PRDM10: variants seen among roughly 807,000 people sequenced by gnomAD.
PRDM10 encodes PR/SET domain 10.
In PRDM10, 65 loss-of-function variants were observed where a neutral mutation model predicts 133.1. The ratio of observed to expected loss-of-function variants is 0.49; its 90% confidence interval spans 0.40 to 0.60. The LOEUF (loss-of-function observed/expected upper bound fraction) is 0.60, where lower values mean the gene tolerates loss of function less well. Ranked by LOEUF, PRDM10 falls within the 20% of genes least tolerant of loss-of-function variation. PRDM10 has a pLI of 0.00. For missense variants in PRDM10, 1,137 were observed against 1,507.1 expected (o/e 0.75, Z 4.07); for synonymous variants, 582 against 580.4 (o/e 1.00, Z -0.04).
intron 9 of PRDM10, 118 bp from the exon 10 acceptor site, chr11:129,932,349 C>T: frequency 7.8e-7 from 1 of 1,285,098 alleles, no homozygotes; most frequent in Non-Finnish European, 1.0e-6. Flanking sequence ...TATTACTTTC[C>T]CAGATTTTCT....
intron 6 of PRDM10, 87 bp from the exon 7 acceptor site, chr11:129,942,716 C>T (rs1951255360): frequency 5.0e-6 from 6 of 1,206,172 alleles, no homozygotes; most frequent in Non-Finnish European, 7.1e-6. Flanking sequence ...CAAAATATTG[C>T]TTCTAAAATT....
At position 129,932,045 on chromosome 11, in the gene PRDM10, A is replaced by AC; in HGVS notation, c.1287+56_1287+57insG. 1.9e-6 allele frequency: 3 copies of AC among 1,571,178 alleles called. No individual in the cohort carries two copies. In the East Asian group the frequency reaches 6.8e-5, roughly 36 times the overall value. The stretch of plus-strand genomic sequence containing the variant: ...TCTTTGTACTTAGGTCTCGTCAGGG[A>AC]TCTGGCGAGTCCTCCACACAAGCAC... On this transcript the variant is annotated intron_variant, in intron 10 of 20. Transcript: ENST00000360871.
chr11:129,911,901 C>T (rs3734075), intron 18 of PRDM10, among the ~76,000 whole-genome samples, 184 bp downstream of exon 18: 55,774 of 152,100 alleles, frequency 0.37, 14,549 homozygotes, highest in African/African-American at 0.72. Flanking sequence ...AAGCAGCTAA[C>T]AGCTTAATAT....
At chr11:129,917,284 CA>C in intron 14 of PRDM10, 47 bp from the exon 15 acceptor site, 1 of 1,396,456 alleles carries the variant, frequency 7.2e-7, no homozygotes. Context: ...CCCCATTAAC[CA>C]AACAGAAGCT....
At chr11:129,940,743 A>G (rs1211164052) in intron 7 of PRDM10, among the ~76,000 whole-genome samples, 1 of 152,148 alleles carries the variant, frequency 6.6e-6, no homozygotes, top group Non-Finnish European at 1.5e-5. Flanking sequence ...CCTCCAGATA[A>G]AGTCAATTCC....
chr11:129,959,311 A>C (rs1951753813), intron 2 of PRDM10, among the ~76,000 whole-genome samples: 1 of 152,242 alleles, frequency 6.6e-6, no homozygotes, highest in Non-Finnish European at 1.5e-5. Context: ...TATTGGAAAA[A>C]TTAGGCTCAT....
rs552582742 is a variant in PRDM10 at position 129,908,156 on chromosome 11, C to T, written c.3163+2320G>A. Among the ~76,000 whole-genome samples, 7 of 151,990 alleles carry T rather than the reference C, an allele frequency of 4.6e-5. No homozygotes were observed. The East Asian group carries it at 1.4e-3, about 30-fold the overall frequency. On this transcript the variant is annotated intron_variant, in intron 19 of 20. Transcript: ENST00000360871. ...TTTCTTCTTAGGTGTGATAATGTTG[C>T]ATGGAGTTGTGTTTTTAAAAAATAG... is the stretch of plus-strand genomic sequence containing the variant.
chr11:129,986,579 G>A (rs1473701083), intron 1 of PRDM10, among the ~76,000 whole-genome samples: 1 of 152,150 alleles, frequency 6.6e-6, no homozygotes, highest in Non-Finnish European at 1.5e-5. Flanking sequence ...AGTAGAAACG[G>A]GATTTTGCCA....
intron 1 of PRDM10, among the ~76,000 whole-genome samples, chr11:129,978,578 C>T (rs1320402778): frequency 6.6e-6 from 1 of 152,202 alleles, no homozygotes; most frequent in African/African-American, 2.4e-5. Context: ...ACAAGTCCAG[C>T]AGTGAAGCCC....
chr11:129,960,788 C>T, intron 2 of PRDM10, 108 bp downstream of exon 2: 1 of 1,131,436 alleles, frequency 8.8e-7, no homozygotes, highest in South Asian at 1.3e-5. Flanking sequence ...TTCATGTCGG[C>T]TCCTAACGAC....
In PRDM10 at chr11:129,957,894, T is replaced by C; in HGVS notation, c.86A>G (p.Asp29Gly). The change falls in exon 3 of 21, where the codon GAC becomes GGC. Residue 29 changes from aspartate (D) to glycine (G), a missense_variant. Around this residue, in one of 6 missense-constraint regions of PRDM10, gnomAD observed 635 missense variants for 835.2 expected, o/e 0.76. Coordinates refer to ENST00000360871, the MANE Select transcript of PRDM10 (RefSeq NM_199437.2). ...GACAATCTGAGCCACTGTTCCTGTG[T>C]CCGGAACAAAGTGCACCTGGCATAA... ...QNAAQVHFVP[D>G]TGTVAQIVYT... 6.2e-7 allele frequency: 1 copy of C among 1,612,430 alleles called. No individual in the cohort carries two copies.
chr11:129,924,791 G>T, intron 12 of PRDM10, 91 bp downstream of exon 12: 1 of 1,083,936 alleles, frequency 9.2e-7, no homozygotes, highest in Non-Finnish European at 1.3e-6. Context: ...GGATGGAAAT[G>T]CAGGTGCTAG....
intron 8 of PRDM10, among the ~76,000 whole-genome samples, chr11:129,936,812 A>G (rs1293397936): frequency 6.6e-6 from 1 of 152,060 alleles, no homozygotes; most frequent in Non-Finnish European, 1.5e-5. Context: ...GGGTGTCTTG[A>G]CCACCCTGAG....
chr11:129,955,621 G>T lies in PRDM10; in HGVS notation c.235-50C>A. The T allele has an allele frequency of 3.2e-6, 5 of 1,567,352 alleles. No homozygotes were observed. The South Asian group carries it at 3.4e-5, about 11-fold the overall frequency. On this transcript the variant is annotated intron_variant, in intron 3 of 20. Coordinates refer to ENST00000360871, the MANE Select transcript of PRDM10 (RefSeq NM_199437.2). ...TTATCAGTAGCTCTTTGGATAGCCT[G>T]CCTACACAGAAAAATTATCCTACTG...
At position 129,923,827 on chromosome 11, in the gene PRDM10, T is replaced by A. The variant is rs1950597006; in HGVS notation, c.1879-424A>T. ...GACAAAAACCAATTCTTCCTTACTT[T>A]TCTCCGTCTTTAATCTGCACAGAAG... On this transcript the variant is annotated intron_variant, in intron 12 of 20. Coordinates refer to ENST00000360871, the MANE Select transcript of PRDM10 (RefSeq NM_199437.2). The surrounding 1 kb of genome is among the most constrained non-coding windows in gnomAD (Gnocchi z 4.4). Among the ~76,000 whole-genome samples, 1 of 152,268 alleles carries A rather than the reference T, an allele frequency of 6.6e-6. No homozygotes were observed. Among genetic ancestry groups the A allele is most frequent in the African/African-American group, 2.4e-5 (1 of 41,472 alleles).
chr11:129,915,383 C>T (rs2135746903), intron 16 of PRDM10, among the ~76,000 whole-genome samples: 1 of 152,292 alleles, frequency 6.6e-6, no homozygotes, highest in African/African-American at 2.4e-5. Context: ...ACTGCAAGCA[C>T]AGAACATTCA....
chr11:129,971,381 T>A (rs1436257335), intron 1 of PRDM10, among the ~76,000 whole-genome samples: 1 of 152,158 alleles, frequency 6.6e-6, no homozygotes, highest in Non-Finnish European at 1.5e-5. Context: ...TTACAATCCC[T>A]GAGATAGATA....
chr11:129,957,941 C>T (rs764547745), intron 2 of PRDM10, 31 bp from the exon 3 acceptor site: 5 of 1,587,798 alleles, frequency 3.1e-6, no homozygotes, highest in Non-Finnish European at 4.3e-6. Context: ...AGAACAAAAT[C>T]AGTATCAGGA....
intron 7 of PRDM10, among the ~76,000 whole-genome samples, chr11:129,939,976 A>G (rs1389613757): frequency 1.3e-5 from 2 of 152,346 alleles, no homozygotes; most frequent in African/African-American, 2.4e-5. Context: ...AAAATATTGC[A>G]GCTGCTTCAC....
Sources: gnomAD v4.1 joint callset for allele counts (sites outside exome capture counted in the v4.1 genomes callset) on GRCh38, gnomAD v4.1.1 for gene constraint, gnomAD v4.1.1 regional missense constraint, Gnocchi (gnomAD v3.1) non-coding constraint, MANE v1.5 for transcripts, NCBI Gene and HGNC (gene_info 2026-07-23, HGNC 2026-07-21) for gene names.